PHLDB2: variants seen among roughly 807,000 people sequenced by gnomAD.
The protein encoded by PHLDB2 is pleckstrin homology-like domain family B member 2.
A neutral mutation model predicts 123.6 loss-of-function variants in PHLDB2; 71 were observed. The observed-to-expected ratio is 0.57, with a 90% CI of 0.47 to 0.70. The LOEUF (loss-of-function observed/expected upper bound fraction) is 0.70, where lower values mean the gene tolerates loss of function less well. PHLDB2 is among the 30% of genes least tolerant of loss of function. PHLDB2 has a pLI of 0.00. For synonymous variants in PHLDB2, 547 were observed against 541.6 expected, an observed-to-expected ratio of 1.01 and a Z score of -0.14; for missense variants, 1,446 against 1,519.5, an observed-to-expected ratio of 0.95 and a Z score of 0.80.
chr3:111,974,469 T>A lies in PHLDB2; in HGVS notation c.3668T>A (p.Ile1223Asn), dbSNP rs774584855. Reference protein sequence around the residue: ...LTFSVKTHDRIYYMVAPSPEA... With the variant: ...LTFSVKTHDRNYYMVAPSPEA... ...TTTAGCGTCAAGACTCATGACAGAA[T>A]CTATTATATGGTAGCCCCATCGCCA... Residue 1223 changes from isoleucine (I) to asparagine (N), a missense_variant, in exon 18 of 18, where the codon ATC (isoleucine) becomes AAC (asparagine). This residue lies in a region of PHLDB2 where 594 missense variants were observed against 646.0 expected (regional missense o/e 0.92). Coordinates refer to ENST00000431670, the MANE Select transcript of PHLDB2 (RefSeq NM_001134438.2). 6.2e-7 allele frequency: 1 copy of A among 1,613,444 alleles called. No individual in the cohort carries two copies. Among genetic ancestry groups the A allele is most frequent in the Non-Finnish European group, 8.5e-7 (1 of 1,179,624 alleles).
At chr3:111,887,358 T>G (rs2066232607) in intron 2 of PHLDB2, among the ~76,000 whole-genome samples, 1 of 152,222 alleles carries the variant, frequency 6.6e-6, no homozygotes, top group Non-Finnish European at 1.5e-5. Flanking sequence ...TTTTTAAATT[T>G]GACACTCTAG....
intron 3 of PHLDB2, among the ~76,000 whole-genome samples, 162 bp from the exon 4 acceptor site, chr3:111,918,910 A>G (rs1426298450): frequency 6.6e-6 from 1 of 152,236 alleles, no homozygotes; most frequent in Non-Finnish European, 1.5e-5. Context: ...TCATGTGGGA[A>G]AAACACATCA....
At chr3:111,966,535 T>TGTGTGC in intron 13 of PHLDB2, 78 bp from the exon 14 acceptor site, 1 of 828,400 alleles carries the variant, frequency 1.2e-6, no homozygotes, top group Non-Finnish European at 2.0e-6. Flanking sequence ...GGGGTGTGTG[T>TGTGTGC]GTGTGTGTGT....
intron 12 of PHLDB2, among the ~76,000 whole-genome samples, chr3:111,957,762 A>T (rs2071146103): frequency 6.6e-6 from 1 of 152,204 alleles, no homozygotes; most frequent in African/African-American, 2.4e-5. Context: ...GGCTTGAATA[A>T]GTAAGATGGT....
chr3:111,956,083 C>T (rs1328764666), intron 12 of PHLDB2, among the ~76,000 whole-genome samples: 1 of 152,100 alleles, frequency 6.6e-6, no homozygotes, highest in African/African-American at 2.4e-5. Flanking sequence ...TGGTCCCCAC[C>T]ACTCAGGAGG....
chr3:111,801,010 T>A (rs1251177899), intron 1 of PHLDB2, among the ~76,000 whole-genome samples: 1 of 152,186 alleles, frequency 6.6e-6, no homozygotes, highest in Non-Finnish European at 1.5e-5. Flanking sequence ...GAAGAGACCT[T>A]AAATAATATT....
chr3:111,834,217 A>ATTATATATATAATAGAG (rs2063261931), intron 1 of PHLDB2, among the ~76,000 whole-genome samples: 1 of 19,664 alleles, frequency 5.1e-5, no homozygotes, highest in Non-Finnish European at 9.5e-5. Context: ...ATGTAATAGA[A>ATTATATATATAATAGAG]TTATATATAT....
intron 1 of PHLDB2, among the ~76,000 whole-genome samples, chr3:111,883,241 G>A (rs1469353288): frequency 6.6e-6 from 1 of 152,114 alleles, no homozygotes; most frequent in African/African-American, 2.4e-5. Flanking sequence ...GCAAACCAGG[G>A]TTCAAAACAT....
At chr3:111,743,113 T>C (rs6796087) in intron 1 of PHLDB2, among the ~76,000 whole-genome samples, 88,360 of 152,078 alleles carry the variant, frequency 0.58, 26,759 homozygotes, top group African/African-American at 0.76. Flanking sequence ...CAGTCTTCCT[T>C]TCTAAAAATC....
intron 1 of PHLDB2, among the ~76,000 whole-genome samples, chr3:111,801,686 T>C (rs1235325977): frequency 6.6e-6 from 1 of 152,142 alleles, no homozygotes; most frequent in Admixed American, 6.5e-5. Context: ...TTGATACATG[T>C]AACACCATGA....
chr3:111,950,460 G>A (rs1462778309), intron 10 of PHLDB2, among the ~76,000 whole-genome samples: 3 of 152,142 alleles, frequency 2.0e-5, no homozygotes, highest in Non-Finnish European at 4.4e-5. Context: ...GTGAGGTTAA[G>A]TAGCTTGTCC....
At chr3:111,919,306 A>C in intron 4 of PHLDB2, 91 bp downstream of exon 4, 1 of 1,332,854 alleles carries the variant, frequency 7.5e-7, no homozygotes, top group South Asian at 1.3e-5. Flanking sequence ...GAGGCCAGAT[A>C]CATAGACGTC....
At chr3:111,764,411 G>A (rs995549136) in intron 1 of PHLDB2, among the ~76,000 whole-genome samples, 1 of 152,102 alleles carries the variant, frequency 6.6e-6, no homozygotes, top group African/African-American at 2.4e-5. Context: ...AACTAGCACG[G>A]TCCTTTGTAT....
At chr3:111,874,662 T>G (rs1345942128) in intron 1 of PHLDB2, among the ~76,000 whole-genome samples, 1 of 152,172 alleles carries the variant, frequency 6.6e-6, no homozygotes, top group African/African-American at 2.4e-5. Context: ...TCTCTCATAT[T>G]TCATTGATCA....
chr3:111,906,495 G>A (rs2067542599), intron 2 of PHLDB2, among the ~76,000 whole-genome samples: 1 of 152,182 alleles, frequency 6.6e-6, no homozygotes. Context: ...TTGACGAAAG[G>A]AGGACTAGAT....
At chr3:111,896,978 C>A (rs920423482) in intron 2 of PHLDB2, among the ~76,000 whole-genome samples, 2 of 152,250 alleles carry the variant, frequency 1.3e-5, no homozygotes, top group South Asian at 4.2e-4. Context: ...CCAATGGTAA[C>A]ATCTTGCCAA....
intron 11 of PHLDB2, 88 bp from the exon 12 acceptor site, chr3:111,953,842 A>C (rs2070862103): frequency 6.0e-6 from 6 of 992,042 alleles, no homozygotes; most frequent in African/African-American, 1.6e-5. Context: ...ACACTTAGAT[A>C]GGAGCTTTGG....
At chr3:111,785,488 A>T (rs2060646256) in intron 1 of PHLDB2, among the ~76,000 whole-genome samples, 1 of 152,124 alleles carries the variant, frequency 6.6e-6, no homozygotes, top group South Asian at 2.1e-4. Flanking sequence ...CTCCAAGTAA[A>T]ATTAGCATTT....
chr3:111,879,589 G>C (rs148798468), intron 1 of PHLDB2, among the ~76,000 whole-genome samples: 13 of 152,212 alleles, frequency 8.5e-5, no homozygotes, highest in African/African-American at 2.2e-4. Flanking sequence ...AGGCACACTC[G>C]TGTAACTTTA....
Sources: gnomAD v4.1 joint callset for allele counts (sites outside exome capture counted in the v4.1 genomes callset) on GRCh38, gnomAD v4.1.1 for gene constraint, gnomAD v4.1.1 regional missense constraint, MANE v1.5 for transcripts, NCBI Gene and HGNC (gene_info 2026-07-23, HGNC 2026-07-21) for gene names.